EP300: variants seen among roughly 807,000 people sequenced by gnomAD.
EP300 encodes the protein histone acetyltransferase p300.
Under a neutral mutation model 264.0 loss-of-function variants are expected in EP300, and 31 were observed. The observed-to-expected ratio is 0.12, with a 90% CI of 0.09 to 0.16. EP300 has a LOEUF of 0.16. Ranked by LOEUF, EP300 falls within the 10% of genes least tolerant of loss-of-function variation. The pLI, the probability that EP300 is intolerant of heterozygous loss-of-function variation, is 1.00. For missense variants in EP300, 2,766 were observed against 3,052.9 expected (o/e 0.91, Z 2.21); for synonymous variants, 1,340 against 1,045.4 (o/e 1.28, Z -5.44).
chr22:41,178,839 T>C lies in EP300; in HGVS notation c.7128T>C (p.Leu2376=). The change falls in exon 31 of 31, where the codon CTT becomes CTC. Residue 2376 remains leucine, a synonymous_variant. Coordinates refer to ENST00000263253, the MANE Select transcript of EP300 (RefSeq NM_001429.4). ...ACCAGAATTCAATGCTTTCTCAGCTTGCTAGCAATCCAGGCATGGCAAACC... is the reference window on the plus strand; with the variant it reads ...ACCAGAATTCAATGCTTTCTCAGCTCGCTAGCAATCCAGGCATGGCAAACC... ...SPDQNSMLSQ[L]ASNPGMANLH... 6.2e-7 allele frequency: 1 copy of C among 1,614,202 alleles called. No homozygotes were observed. Among genetic ancestry groups the C allele is most frequent in the South Asian group, 1.1e-5 (1 of 91,082 alleles).
At chr22:41,110,458 G>A (rs1285971656) in intron 1 of EP300, among the ~76,000 whole-genome samples, 1 of 150,442 alleles carries the variant, frequency 6.6e-6, no homozygotes, top group African/African-American at 2.4e-5. Context: ...ATTCCCGGCT[G>A]ATTTTTTTAT....
chr22:41,108,766 G>A (rs1271306093), intron 1 of EP300, among the ~76,000 whole-genome samples: 14 of 152,336 alleles, frequency 9.2e-5, no homozygotes, highest in African/African-American at 3.4e-4. Context: ...GCAGCCTGGT[G>A]ATGTTGATTG....
intron 21 of EP300, among the ~76,000 whole-genome samples, 161 bp from the exon 22 acceptor site, chr22:41,163,892 A>G (rs967188966): frequency 2.6e-5 from 4 of 152,228 alleles, no homozygotes; most frequent in Non-Finnish European, 4.4e-5. Flanking sequence ...CAGCCTGTAC[A>G]ACAGAGACCC....
At position 41,137,679 on chromosome 22, in the gene EP300, T is replaced by C. The variant is rs778180439; in HGVS notation, c.1649T>C (p.Val550Ala). Residue 550 changes from valine (V) to alanine (A), a missense_variant, in exon 8 of 31, where the codon GTG becomes GCG. Val to Ala is a moderately conservative substitution (Grantham distance 64). Transcript: ENST00000263253. Reference sequence around the variant, plus strand: ...CCAATGATGAGTGAAAATGCCAGTGTGCCCTCCCTGGGTCCTATGCCAACA... The same window carrying C: ...CCAATGATGAGTGAAAATGCCAGTGCGCCCTCCCTGGGTCCTATGCCAACA... ...QNPMMSENAS[V>A]PSLGPMPTAA... 10 of 1,614,098 alleles carry C rather than the reference T, an allele frequency of 6.2e-6. No individual in the cohort carries two copies. The highest frequency in any genetic ancestry group is 1.6e-4 in the Middle Eastern group (1 of 6,084).
Position 41,164,106 on chromosome 22 carries a change from A to G in EP300, c.3782A>G (p.His1261Arg). The change falls in exon 22 of 31, where the codon CAC (histidine) becomes CGC (arginine). Residue 1261 changes from histidine to arginine, a missense_variant. By Grantham distance (29) the His-to-Arg change is conservative (BLOSUM62 0). Coordinates refer to ENST00000263253, the MANE Select transcript of EP300 (RefSeq NM_001429.4). ...AAGATGCATCAGATCTGTGTCCTTC[A>G]CCATGAGATCATCTGGCCTGCTGGG... ...GRKMHQICVL[H>R]HEIIWPAGFV... The G allele has an allele frequency of 1.2e-6, 2 of 1,614,106 alleles. No individual in the cohort carries two copies. Among genetic ancestry groups the G allele is most frequent in the Admixed American group, 1.7e-5 (1 of 60,014 alleles).
At chr22:41,103,223 G>A (rs990455442) in intron 1 of EP300, among the ~76,000 whole-genome samples, 1 of 152,160 alleles carries the variant, frequency 6.6e-6, no homozygotes, top group Admixed American at 6.6e-5. Context: ...TGTGATGGGG[G>A]TAGTGATGTT....
rs377545091 is a variant in EP300, at chr22:41,125,721, C to A, written c.730-143C>A. 9.5e-5 allele frequency: 83 copies of A among 874,640 alleles called. No homozygotes were observed. The East Asian group carries it at 1.4e-3, about 15-fold the overall frequency. 54.2% of individuals were successfully genotyped at this position (874,640 alleles called of 1,614,324 possible). The stretch of plus-strand genomic sequence containing the variant: ...GTAGAGATGGGGTTTTGTCACGTTG[C>A]CCAAGCTGTAGTGTCTTTTCTAATA... On this transcript the variant is annotated intron_variant, in intron 2 of 30. Transcript: ENST00000263253.
At chr22:41,093,613 G>T (rs1164661462) in intron 1 of EP300, among the ~76,000 whole-genome samples, 1 of 152,144 alleles carries the variant, frequency 6.6e-6, no homozygotes, top group Non-Finnish European at 1.5e-5. Flanking sequence ...AAGATTTCAG[G>T]TTAGAGGTGA....
rs113567138 is a variant in EP300 at position 41,179,093 on chromosome 22, C to T, written c.*137C>T. On this transcript the variant is annotated 3_prime_UTR_variant, in exon 31 of 31. Transcript: ENST00000263253. ...GAACACATAAGAACTGTGCAGTAGCCGTTTGTGGTTTAAAGCAAACATGCA... is the reference window on the plus strand; with the variant it reads ...GAACACATAAGAACTGTGCAGTAGCTGTTTGTGGTTTAAAGCAAACATGCA... 4,016 of 976,650 alleles carry T rather than the reference C, an allele frequency of 4.1e-3. 98 individuals are homozygous for T. The African/African-American group carries it at 0.06, about 15-fold the overall frequency. 60.5% of individuals were successfully genotyped at this position (976,650 alleles called of 1,614,324 possible).
chr22:41,157,262 G>A lies in EP300; in HGVS notation c.3355G>A (p.Asp1119Asn), dbSNP rs759315982. Residue 1119 changes from aspartate to asparagine, a missense_variant, in exon 18 of 31, where the codon GAT (aspartate) becomes AAT (asparagine). Coordinates refer to ENST00000263253, the MANE Select transcript of EP300 (RefSeq NM_001429.4). Reference protein sequence around the residue: ...GQYQEPWQYVDDIWLMFNNAW... With the variant: ...GQYQEPWQYVNDIWLMFNNAW... ...GTATCAGGAGCCCTGGCAGTATGTC[G>A]ATGATATTTGGCTTATGTTCAATAA... The A allele has an allele frequency of 5.0e-6, 8 of 1,614,010 alleles. No individual in the cohort carries two copies. Among genetic ancestry groups the A allele is most frequent in the East Asian group, 4.5e-5 (2 of 44,888 alleles).
At chr22:41,156,629 G>C (rs760890040) in intron 17 of EP300, among the ~76,000 whole-genome samples, 1 of 152,134 alleles carries the variant, frequency 6.6e-6, no homozygotes, top group Non-Finnish European at 1.5e-5. Context: ...GCTGAGGCAG[G>C]TGAATAGTTT....
rs147076034 is a variant in EP300, at chr22:41,095,119, T to A, written c.94+2021T>A. On this transcript the variant is annotated intron_variant, in intron 1 of 30. Coordinates refer to ENST00000263253, the MANE Select transcript of EP300 (RefSeq NM_001429.4). ...CAAATCAAGATTCTACTCCAGGAAT[T>A]CTTTGGTGTACGGTTTTTAATTGTA... is the stretch of plus-strand genomic sequence containing the variant. 3.4e-3 allele frequency among the ~76,000 whole-genome samples: 521 copies of A among 152,202 alleles called. 3 individuals are homozygous for A. Among genetic ancestry groups the A allele is most frequent in the African/African-American group, 0.012 (506 of 41,534 alleles).
At chr22:41,100,778 T>C (rs2058727455) in intron 1 of EP300, among the ~76,000 whole-genome samples, 1 of 152,156 alleles carries the variant, frequency 6.6e-6, no homozygotes, top group Admixed American at 6.6e-5. Context: ...TCCTCAGATT[T>C]TGGTATCTGC....
At chr22:41,150,498 T>C (rs572056374) in intron 14 of EP300, among the ~76,000 whole-genome samples, 1 of 152,344 alleles carries the variant, frequency 6.6e-6, no homozygotes, top group East Asian at 1.9e-4. Flanking sequence ...CTTCTCCTTA[T>C]TTAGTATATT....
chr22:41,176,608 AG>A, intron 30 of EP300, 80 bp downstream of exon 30: 3 of 1,608,390 alleles, frequency 1.9e-6, no homozygotes, highest in Non-Finnish European at 2.5e-6. Context: ...TATTTTATAG[AG>A]GCCTGTGGGA....
intron 19 of EP300, 181 bp from the exon 20 acceptor site, chr22:41,160,461 C>A (rs574237925): frequency 4.8e-4 from 218 of 452,194 alleles, no homozygotes; most frequent in South Asian, 1.5e-3. Flanking sequence ...AACAAAAAAA[C>A]CAAAACCCAA....
In EP300 at chr22:41,131,479, G is replaced by T. The variant is rs761319515; in HGVS notation, c.1374G>T (p.Gln458His). 20 of 1,614,124 alleles carry T rather than the reference G, an allele frequency of 1.2e-5. No homozygotes were observed. Among genetic ancestry groups the T allele is most frequent in the Non-Finnish European group, 1.7e-5 (20 of 1,180,022 alleles). ...CCCCCAACCTAAGCACTGTTAGTCA[G>T]ATTGATCCCAGCTCCATAGAAAGAG... The part of the protein sequence containing the change: ...QSAPNLSTVS[Q>H]IDPSSIERAY... Residue 458 changes from glutamine (Q) to histidine (H), a missense_variant, in exon 6 of 31, where the codon CAG (glutamine) becomes CAT (histidine). Coordinates refer to ENST00000263253, the MANE Select transcript of EP300 (RefSeq NM_001429.4).
chr22:41,170,978 T>TA (rs1473201874), intron 27 of EP300, among the ~76,000 whole-genome samples: 1 of 150,300 alleles, frequency 6.7e-6, no homozygotes, highest in African/African-American at 2.5e-5. Context: ...TTTTTTTTTT[T>TA]AAACAAAAGT....
chr22:41,100,891 T>C (rs1450959629), intron 1 of EP300, among the ~76,000 whole-genome samples: 1 of 152,034 alleles, frequency 6.6e-6, no homozygotes, highest in African/African-American at 2.4e-5. Context: ...TATATATATA[T>C]CATATATATT....
Sources: gnomAD v4.1 joint callset for allele counts (sites outside exome capture counted in the v4.1 genomes callset) on GRCh38, gnomAD v4.1.1 for gene constraint, MANE v1.5 for transcripts, NCBI Gene and HGNC (gene_info 2026-07-23, HGNC 2026-07-21) for gene names.